Variants in CCDC62 observed in about 807,000 individuals in gnomAD.
The protein encoded by CCDC62 is coiled-coil domain containing 62.
A neutral mutation model predicts 80.8 loss-of-function variants in CCDC62; 72 were observed. The ratio of observed to expected loss-of-function variants is 0.89; its 90% CI spans 0.74 to 1.08. The LOEUF (loss-of-function observed/expected upper bound fraction) is 1.08, where lower values mean the gene tolerates loss of function less well. CCDC62 is among the 50% of genes least tolerant of loss of function. CCDC62 has a pLI of 0.00. For synonymous variants in CCDC62, 286 were observed against 296.5 expected (o/e 0.96, Z 0.36); for missense variants, 704 against 809.4 (o/e 0.87, Z 1.58).
chr12:122,799,034 T>C (rs1033944703), intron 8 of CCDC62, among the ~76,000 whole-genome samples: 2 of 151,902 alleles, frequency 1.3e-5, no homozygotes, highest in Non-Finnish European at 2.9e-5. Flanking sequence ...GAGCTGAGAT[T>C]GCGCCACTGC....
At chr12:122,802,412 T>G (rs1357621165) in intron 9 of CCDC62, among the ~76,000 whole-genome samples, 1 of 142,482 alleles carries the variant, frequency 7.0e-6, no homozygotes, top group Non-Finnish European at 1.5e-5. Context: ...TCTCTACACT[T>G]TTTTTTTTTT....
intron 11 of CCDC62, among the ~76,000 whole-genome samples, chr12:122,819,762 C>T (rs2032321107): frequency 6.6e-6 from 1 of 152,010 alleles, no homozygotes; most frequent in Non-Finnish European, 1.5e-5. Flanking sequence ...ATTCCACATA[C>T]ATAAGGAGAG....
At chr12:122,826,360 A>T in intron 12 of CCDC62, 62 bp from the exon 13 acceptor site, 1 of 766,384 alleles carries the variant, frequency 1.3e-6, no homozygotes, top group Non-Finnish European at 2.4e-6. Flanking sequence ...AGCTTATAGC[A>T]TGCTCTCCAA....
At chr12:122,811,526 TA>T (rs142704099) in intron 10 of CCDC62, among the ~76,000 whole-genome samples, 3,118 of 142,102 alleles carry the variant, frequency 0.022, 102 homozygotes, top group African/African-American at 0.075. Context: ...TAAGTTTTCT[TA>T]AAAAAAAAAA....
chr12:122,823,868 C>G (rs2032507325), intron 12 of CCDC62, among the ~76,000 whole-genome samples: 1 of 152,004 alleles, frequency 6.6e-6, no homozygotes, highest in Admixed American at 6.6e-5. Flanking sequence ...CGCCTGTAAT[C>G]CCAGCTACTT....
chr12:122,796,605 C>G (rs1245080911), intron 6 of CCDC62, among the ~76,000 whole-genome samples: 2 of 152,028 alleles, frequency 1.3e-5, no homozygotes, highest in African/African-American at 4.8e-5. Context: ...TGCCTGTAAT[C>G]CCAGCATTTT....
At position 122,825,832 on chromosome 12, in the gene CCDC62, C is replaced by CA. The variant is rs111491915; in HGVS notation, c.*41-579dup. ...GAAACCCCGTCTCTACTAAAAATAC[C>CA]AAAAAAAAAAATTAGCCGGGCATGG... is the stretch of plus-strand genomic sequence containing the variant. On this transcript the variant is annotated intron_variant, in intron 12 of 12. Transcript: ENST00000253079. Among the ~76,000 whole-genome samples the CA allele has an allele frequency of 6.2e-3, 880 of 142,646 alleles. 9 individuals are homozygous for CA. Among genetic ancestry groups the CA allele is most frequent in the African/African-American group, 0.017 (666 of 38,742 alleles). 93.6% of individuals were successfully genotyped at this position (142,646 alleles called of 152,430 possible).
At position 122,777,572 on chromosome 12, in the gene CCDC62, C is replaced by A; in HGVS notation, c.118C>A (p.Arg40=). ...LQLLIGELKD[R]DKELNDMVAV... ...GTTGCTCATTGGAGAATTAAAAGAT[C>A]GAGATAAAGAGCTCAATGACATGGT... Residue 40 remains arginine (R), a synonymous_variant, in exon 2 of 13, where the codon CGA becomes AGA. Coordinates refer to ENST00000253079, the MANE Select transcript of CCDC62 (RefSeq NM_201435.5). 1.2e-6 allele frequency: 2 copies of A among 1,613,980 alleles called. No homozygotes were observed. The highest frequency in any genetic ancestry group is 1.7e-6 in the Non-Finnish European group (2 of 1,179,914).
chr12:122,797,960 T>C (rs2031061001), intron 7 of CCDC62, 125 bp from the exon 8 acceptor site: 2 of 614,860 alleles, frequency 3.3e-6, no homozygotes, highest in Non-Finnish European at 5.9e-6. Flanking sequence ...ATATTTAGCA[T>C]ATTTCTCTAG....
intron 1 of CCDC62, 73 bp from the exon 2 acceptor site, chr12:122,777,418 T>G: frequency 7.5e-7 from 1 of 1,329,196 alleles, no homozygotes. Flanking sequence ...ATATACTTAT[T>G]TGGAAAATGG....
At chr12:122,819,190 C>G (rs1009341786) in intron 11 of CCDC62, among the ~76,000 whole-genome samples, 4 of 152,148 alleles carry the variant, frequency 2.6e-5, no homozygotes, top group African/African-American at 9.7e-5. Context: ...AACTCCTCCC[C>G]CCATGCCTTT....
chr12:122,807,030 G>T (rs977009739), intron 10 of CCDC62, among the ~76,000 whole-genome samples: 4 of 151,958 alleles, frequency 2.6e-5, no homozygotes, highest in Non-Finnish European at 4.4e-5. Context: ...TATCTGCAGA[G>T]ACATGCATAC....
At chr12:122,815,295 T>G (rs988911121) in intron 11 of CCDC62, among the ~76,000 whole-genome samples, 10 of 148,206 alleles carry the variant, frequency 6.7e-5, no homozygotes, top group African/African-American at 2.5e-4. Flanking sequence ...CCCAGGCTGG[T>G]CTCAAACTCT....
chr12:122,810,106 T>C (rs1224917457), intron 10 of CCDC62, among the ~76,000 whole-genome samples: 1 of 151,958 alleles, frequency 6.6e-6, no homozygotes, highest in Non-Finnish European at 1.5e-5. Flanking sequence ...GACATAGGCA[T>C]GGGCAAGGAC....
At chr12:122,783,250 C>T (rs1192655178) in intron 3 of CCDC62, among the ~76,000 whole-genome samples, 3 of 142,970 alleles carry the variant, frequency 2.1e-5, no homozygotes, top group South Asian at 2.2e-4. Flanking sequence ...TTTCCTGAGA[C>T]GGAGTCTCGT....
At chr12:122,778,781 AGGC>A (rs1248393961) in intron 2 of CCDC62, among the ~76,000 whole-genome samples, 11 of 152,098 alleles carry the variant, frequency 7.2e-5, no homozygotes, top group African/African-American at 2.7e-4. Context: ...CAGGAGGCTG[AGGC>A]AGGAGAATTG....
chr12:122,797,066 T>C (rs1169641239), intron 6 of CCDC62, among the ~76,000 whole-genome samples: 2 of 151,756 alleles, frequency 1.3e-5, no homozygotes, highest in Non-Finnish European at 2.9e-5. Flanking sequence ...TTAGTAGAAA[T>C]GGGGTTTCAC....
At chr12:122,812,700 T>C (rs1593826375) in intron 10 of CCDC62, among the ~76,000 whole-genome samples, 1 of 78,826 alleles carries the variant, frequency 1.3e-5, no homozygotes, top group African/African-American at 4.9e-5. Context: ...CCAGCCTGGG[T>C]GACAGAGCGA....
chr12:122,797,052 AT>A (rs1293411107), intron 6 of CCDC62, among the ~76,000 whole-genome samples: 1 of 151,724 alleles, frequency 6.6e-6, no homozygotes, highest in African/African-American at 2.4e-5. Context: ...CTAAATTTGT[AT>A]TTTTAGTAGA....
Sources: allele counts gnomAD v4.1 joint callset (sites outside exome capture counted in the v4.1 genomes callset), GRCh38; gene constraint gnomAD v4.1.1; transcripts MANE v1.5; gene names NCBI Gene and HGNC (gene_info 2026-07-23, HGNC 2026-07-21).